The following PARP9 variants were observed in gnomAD, a reference collection of about 807,000 sequenced individuals.
PARP9 encodes the protein poly(ADP-ribose) polymerase family member 9, also known as protein mono-ADP-ribosyltransferase PARP9.
A neutral mutation model predicts 68.8 loss-of-function variants in PARP9; 48 were observed. The ratio of observed to expected loss-of-function variants is 0.70; its 90% CI spans 0.55 to 0.89. PARP9 has a LOEUF of 0.89. Among genes scored for constraint, PARP9 ranks in the 40% least tolerant of loss-of-function variants. The pLI, the probability that PARP9 is intolerant of heterozygous loss-of-function variation, is 0.00. For synonymous variants in PARP9, 309 were observed against 333.8 expected (o/e 0.93, Z 0.81); for missense variants, 806 against 969.3 (o/e 0.83, Z 2.24).
upstream of PARP9, chr3:122,564,403 C>G (rs2080505830): frequency 1.9e-6 from 3 of 1,594,346 alleles, no homozygotes; most frequent in African/African-American, 1.3e-5. Context: ...CCGGAGCCCC[C>G]GCGCCCTCCC....
chr3:122,535,705 C>T, intron 10 of PARP9: 1 of 990,440 alleles, frequency 1.0e-6, no homozygotes, highest in Non-Finnish European at 1.2e-6. Flanking sequence ...ATACCTAATT[C>T]ATTCACTAGC....
intron 4 of PARP9, 57 bp downstream of exon 4, chr3:122,555,229 T>C: frequency 6.7e-7 from 1 of 1,483,412 alleles, no homozygotes; most frequent in Non-Finnish European, 9.1e-7. Flanking sequence ...ACTCAAAAAT[T>C]ATTTAATTTT....
At chr3:122,562,246 G>C (rs2080288533) in intron 1 of PARP9, among the ~76,000 whole-genome samples, 1 of 150,920 alleles carries the variant, frequency 6.6e-6, no homozygotes, top group Non-Finnish European at 1.5e-5. Context: ...GCTGTGGCGC[G>C]ATCTTGGCTC....
intron 10 of PARP9, among the ~76,000 whole-genome samples, chr3:122,531,025 T>C (rs938422201): frequency 1.3e-5 from 2 of 152,262 alleles, no homozygotes; most frequent in African/African-American, 4.8e-5. Flanking sequence ...CCATTCAAGA[T>C]GTTATTTTAA....
chr3:122,536,322 C>T lies in PARP9; in HGVS notation c.1926G>A (p.Glu642=). The T allele has an allele frequency of 6.2e-7, 1 of 1,614,114 alleles. No individual in the cohort carries two copies. The highest frequency in any genetic ancestry group is 8.5e-7 in the Non-Finnish European group (1 of 1,179,998). ...TTCTTTGAAAGGCAGCCATAAGGAC[C>T]TCATTGTCTATCTTCTCCACCTAGA... The part of the protein sequence containing the change: ...QVLKVEKIDN[E]VLMAAFQRKK... Residue 642 remains glutamate (E), a synonymous_variant, in exon 10 of 11, where the codon GAG becomes GAA. Transcript: ENST00000682323.
intron 3 of PARP9, among the ~76,000 whole-genome samples, chr3:122,557,472 T>A (rs1203233057): frequency 6.6e-6 from 1 of 152,238 alleles, no homozygotes; most frequent in African/African-American, 2.4e-5. Flanking sequence ...TCCCTGCGAT[T>A]GGCTATGAAG....
At chr3:122,556,204 A>C in intron 3 of PARP9, 83 bp from the exon 4 acceptor site, 1 of 926,166 alleles carries the variant, frequency 1.1e-6, no homozygotes, top group Non-Finnish European at 1.5e-6. Context: ...ATCCCACTTC[A>C]TACCAGGAGA....
chr3:122,528,665 G>A lies in PARP9; in HGVS notation c.2159C>T (p.Ala720Val). The change falls in exon 11 of 11, where the codon GCA becomes GTA. Residue 720 changes from alanine to valine, a missense_variant. Transcript: ENST00000682323. ...CTCAAACACATAGATCAGCTTATCTGCAGCAGAGATTTTCTTGGCCTTCTC... is the reference window on the plus strand; with the variant it reads ...CTCAAACACATAGATCAGCTTATCTACAGCAGAGATTTTCTTGGCCTTCTC... ...LAEKAKKISAADKLIYVFEAE... is the reference protein window; with the variant it reads ...LAEKAKKISAVDKLIYVFEAE... 1 of 1,614,150 alleles carries A rather than the reference G, an allele frequency of 6.2e-7. No individual in the cohort carries two copies. The highest frequency in any genetic ancestry group is 1.7e-5 in the Admixed American group (1 of 60,028).
intron 6 of PARP9, among the ~76,000 whole-genome samples, chr3:122,550,213 G>A (rs942039301): frequency 6.6e-6 from 1 of 152,128 alleles, no homozygotes; most frequent in Non-Finnish European, 1.5e-5. Flanking sequence ...CCTAGTAGCT[G>A]GGATTAAAGG....
chr3:122,534,522 C>A, intron 10 of PARP9: 1 of 826,608 alleles, frequency 1.2e-6, no homozygotes, highest in Non-Finnish European at 1.5e-6. Flanking sequence ...GCAGTTTTCC[C>A]GCTCCTTTTT....
chr3:122,551,575 C>G (rs1559857123), intron 5 of PARP9, among the ~76,000 whole-genome samples: 1 of 152,240 alleles, frequency 6.6e-6, no homozygotes, highest in Non-Finnish European at 1.5e-5. Context: ...TCTCGGCTCA[C>G]TGCAACCTTT....
chr3:122,556,141 T>TAA lies in PARP9; in HGVS notation c.50-22_50-21dup, dbSNP rs745677021. The TAA allele has an allele frequency of 3.7e-3, 772 of 209,272 alleles. 55 individuals are homozygous for TAA. Among genetic ancestry groups the TAA allele is most frequent in the East Asian group, 9.2e-3 (126 of 13,730 alleles). The allele number at this position is 209,272 out of a possible 1,614,324, so 13.0% of individuals were successfully genotyped here. A position where few individuals can be genotyped will look rare whatever the true frequency, so the allele number is the denominator to read the frequency against. ...CAGTCTCTGGAAAAGAAGAGAAGAT[T>TAA]AAAAAAAAAAAAAAAAAAAAAAAAA... On this transcript the variant is annotated intron_variant, in intron 3 of 10. Coordinates refer to ENST00000682323, the MANE Select transcript of PARP9 (RefSeq NM_001146105.2).
chr3:122,534,791 G>C, intron 10 of PARP9: 1 of 437,032 alleles, frequency 2.3e-6, no homozygotes, highest in Non-Finnish European at 3.0e-6. Context: ...CAGGAGAACT[G>C]TTTGAATCTC....
chr3:122,557,309 T>G (rs935016518), intron 3 of PARP9, among the ~76,000 whole-genome samples: 1 of 111,082 alleles, frequency 9.0e-6, no homozygotes, highest in African/African-American at 2.9e-5. Flanking sequence ...GGGGAGACAT[T>G]GGACCAGCCA....
At chr3:122,554,040 C>A (rs1465619890) in intron 4 of PARP9, among the ~76,000 whole-genome samples, 1 of 152,180 alleles carries the variant, frequency 6.6e-6, no homozygotes, top group Non-Finnish European at 1.5e-5. Flanking sequence ...TGACCCCCAG[C>A]TAAATGCTTA....
At position 122,539,467 on chromosome 3, in the gene PARP9, GATATCT is replaced by G. The variant is rs565344748; in HGVS notation, c.1765+999_1765+1004del. Among the ~76,000 whole-genome samples, 8 of 151,840 alleles carry G rather than the reference GATATCT, an allele frequency of 5.3e-5. No homozygotes were observed. In the South Asian group the frequency reaches 8.3e-4, roughly 16 times the overall value. ...TGGGTGCAATATGCATTAGTTGAATGATATCTATATCTATCTCTATCTCTATCTCCC... is the reference window on the plus strand; with the variant it reads ...TGGGTGCAATATGCATTAGTTGAATGATATCTATCTCTATCTCTATCTCCC... On this transcript the variant is annotated intron_variant, in intron 8 of 10. Transcript: ENST00000682323.
At chr3:122,560,247 C>A (rs762957530) in intron 1 of PARP9, among the ~76,000 whole-genome samples, 3 of 152,106 alleles carry the variant, frequency 2.0e-5, no homozygotes, top group Non-Finnish European at 4.4e-5. Flanking sequence ...GGGAAAAATA[C>A]TTTGTTATGA....
At chr3:122,537,106 A>G in intron 8 of PARP9, 33 bp from the exon 9 acceptor site, 1 of 1,575,360 alleles carries the variant, frequency 6.3e-7, no homozygotes, top group Non-Finnish European at 8.6e-7. Context: ...CTTTACTTCA[A>G]TGCTCTGAGA....
intron 10 of PARP9, chr3:122,533,402 C>T (rs1270472179): frequency 6.6e-6 from 1 of 152,166 alleles, no homozygotes; most frequent in Non-Finnish European, 1.5e-5. Context: ...GAGAGTGAGA[C>T]ATATGAACCT....
Sources: allele counts gnomAD v4.1 joint callset (sites outside exome capture counted in the v4.1 genomes callset), GRCh38; gene constraint gnomAD v4.1.1; transcripts MANE v1.5; gene names NCBI Gene and HGNC (gene_info 2026-07-23, HGNC 2026-07-21).